Variants in HYCC2 observed in about 807,000 individuals in gnomAD.
HYCC2 encodes the protein hyccin 2.
the HYCC2 span, among the ~76,000 whole-genome samples, chr2:201,047,416 T>A: frequency 1.3e-5 from 2 of 148,558 alleles, no homozygotes; most frequent in African/African-American, 5.1e-5. Context: ...ACTCACAATG[T>A]CTAATGTGTG....
At chr2:201,053,008 G>A in the HYCC2 span, among the ~76,000 whole-genome samples, 11 of 152,262 alleles carry the variant, frequency 7.2e-5, no homozygotes, top group East Asian at 3.9e-4. Flanking sequence ...AAATAGTGCC[G>A]CTTCTCACCA....
At chr2:200,992,263 G>A in the HYCC2 span, 53 of 1,448,868 alleles carry the variant, frequency 3.7e-5, no homozygotes, top group Non-Finnish European at 4.7e-5. Flanking sequence ...TTAATAAAGA[G>A]TTAAGATAAT....
At chr2:200,985,982 G>A in the HYCC2 span, among the ~76,000 whole-genome samples, 6 of 152,150 alleles carry the variant, frequency 3.9e-5, 1 homozygote, top group Non-Finnish European at 8.8e-5. Context: ...TCTAGCAATA[G>A]TAGTAGATAA....
At chr2:200,994,070 G>T in the HYCC2 span, among the ~76,000 whole-genome samples, 5 of 152,186 alleles carry the variant, frequency 3.3e-5, no homozygotes, top group South Asian at 1.0e-3. Flanking sequence ...AGGAGAAAAA[G>T]GAATAAATGT....
the HYCC2 span, among the ~76,000 whole-genome samples, chr2:201,005,519 TCTTTATGTCA>T: frequency 6.6e-6 from 1 of 152,204 alleles, no homozygotes; most frequent in Non-Finnish European, 1.5e-5. Context: ...CACCTTCAAA[TCTTTATGTCA>T]GAATTCCTAA....
At chr2:201,001,211 G>C in the HYCC2 span, among the ~76,000 whole-genome samples, 1 of 151,458 alleles carries the variant, frequency 6.6e-6, no homozygotes, top group Admixed American at 6.6e-5. Flanking sequence ...TCCTACATTT[G>C]ATTATCTAGA....
chr2:201,050,764 G>A, the HYCC2 span, among the ~76,000 whole-genome samples: 824 of 150,778 alleles, frequency 5.5e-3, 7 homozygotes, highest in Non-Finnish European at 7.2e-3. Flanking sequence ...GTGAAACCCC[G>A]TCTCTACTAA....
At chr2:201,067,502 C>T in the HYCC2 span, among the ~76,000 whole-genome samples, 2 of 152,124 alleles carry the variant, frequency 1.3e-5, no homozygotes, top group Non-Finnish European at 2.9e-5. Flanking sequence ...TAATATATTA[C>T]ATAATTGAGT....
At chr2:200,992,245 C>A in the HYCC2 span, 1 of 1,224,666 alleles carries the variant, frequency 8.2e-7, no homozygotes, top group Admixed American at 1.8e-5. Context: ...TTTTAGGTAC[C>A]AGTATATTTA....
the HYCC2 span, among the ~76,000 whole-genome samples, chr2:201,032,594 A>C: frequency 6.6e-6 from 1 of 152,156 alleles, no homozygotes. Flanking sequence ...TGGTTTTTAT[A>C]TTTTGATGCA....
chr2:201,053,254 C>T, the HYCC2 span, among the ~76,000 whole-genome samples: 19 of 152,090 alleles, frequency 1.2e-4, no homozygotes, highest in Non-Finnish European at 2.5e-4. Context: ...TCTCAAGTAG[C>T]TGGGATTATA....
chr2:201,028,656 A>G, the HYCC2 span, among the ~76,000 whole-genome samples: 2 of 152,174 alleles, frequency 1.3e-5, no homozygotes, highest in African/African-American at 4.8e-5. Flanking sequence ...CAGAAATAAC[A>G]CCACACATCT....
At chr2:201,012,571 C>T in the HYCC2 span, among the ~76,000 whole-genome samples, 36 of 152,134 alleles carry the variant, frequency 2.4e-4, no homozygotes, top group African/African-American at 8.7e-4. Context: ...TTAGAAAACA[C>T]TTTATTTTCA....
chr2:201,041,268 AC>A, the HYCC2 span, among the ~76,000 whole-genome samples: 1 of 152,216 alleles, frequency 6.6e-6, no homozygotes, highest in African/African-American at 2.4e-5. Flanking sequence ...AAGTGGCAGA[AC>A]TCAGATTTGA....
chr2:201,023,971 T>C, the HYCC2 span: 1 of 1,613,152 alleles, frequency 6.2e-7, no homozygotes, highest in Non-Finnish European at 8.5e-7. Flanking sequence ...TGAATTCTGA[T>C]AACCATTCTT....
the HYCC2 span, among the ~76,000 whole-genome samples, chr2:201,055,251 T>C: frequency 1.3e-5 from 2 of 152,016 alleles, no homozygotes; most frequent in Non-Finnish European, 2.9e-5. Context: ...TACATTTCAG[T>C]AGTATTAAAT....
At chr2:201,019,670 T>C in the HYCC2 span, among the ~76,000 whole-genome samples, 3 of 151,990 alleles carry the variant, frequency 2.0e-5, no homozygotes, top group Non-Finnish European at 4.4e-5. Flanking sequence ...GGCAGAAGAA[T>C]TGCTTGAGCC....
At chr2:201,029,284 G>A in the HYCC2 span, among the ~76,000 whole-genome samples, 5 of 151,990 alleles carry the variant, frequency 3.3e-5, no homozygotes, top group South Asian at 4.2e-4. Flanking sequence ...TTAGAATGGC[G>A]ACCATCAGAA....
chr2:201,049,587 T>G, the HYCC2 span, among the ~76,000 whole-genome samples: 1 of 151,428 alleles, frequency 6.6e-6, no homozygotes, highest in Admixed American at 6.6e-5. Context: ...TCCTCTGACC[T>G]CGTGATCCAC....
Sources: allele counts gnomAD v4.1 joint callset (sites outside exome capture counted in the v4.1 genomes callset), GRCh38; gene constraint gnomAD v4.1.1; transcripts MANE v1.5; gene names NCBI Gene and HGNC (gene_info 2026-07-23, HGNC 2026-07-21).